DPYSL3: variants seen among roughly 807,000 people sequenced by gnomAD.
DPYSL3 encodes the protein dihydropyrimidinase like 3, also known as dihydropyrimidinase-related protein 3.
Under a neutral mutation model 66.1 loss-of-function variants are expected in DPYSL3, and 16 were observed. That is an observed-to-expected ratio of 0.24 (90% confidence interval 0.16 to 0.37). DPYSL3 has a LOEUF of 0.37. DPYSL3 is among the 10% of genes least tolerant of loss of function. The probability of loss-of-function intolerance (pLI) is 1.00; values close to 1 mark genes in which losing one functional copy is unlikely to be tolerated. For missense variants in DPYSL3, 738 were observed against 916.2 expected (o/e 0.81, Z 2.51); for synonymous variants, 338 against 345.1 (o/e 0.98, Z 0.23).
chr5:147,394,403 G>C (rs1055290537), intron 13 of DPYSL3, among the ~76,000 whole-genome samples: 2 of 152,148 alleles, frequency 1.3e-5, no homozygotes, highest in East Asian at 3.9e-4. Context: ...TGACAAAGAC[G>C]TGACACTCAT....
chr5:147,463,197 G>A (rs1402630813), intron 1 of DPYSL3, among the ~76,000 whole-genome samples: 3 of 152,204 alleles, frequency 2.0e-5, no homozygotes, highest in Non-Finnish European at 4.4e-5. Flanking sequence ...CCAGCTGATA[G>A]AGAAGAAAAA....
chr5:147,507,201 C>T (rs1753694771), intron 1 of DPYSL3, among the ~76,000 whole-genome samples: 1 of 152,034 alleles, frequency 6.6e-6, no homozygotes, highest in African/African-American at 2.4e-5. Flanking sequence ...ATCACCCAGC[C>T]TTTTCTGACA....
chr5:147,404,705 A>C (rs902628017), intron 8 of DPYSL3, among the ~76,000 whole-genome samples: 1 of 152,242 alleles, frequency 6.6e-6, no homozygotes, highest in Non-Finnish European at 1.5e-5. Context: ...AGCTAAGCAC[A>C]AGGCAAGCAA....
chr5:147,441,686 G>A (rs1413600147), intron 1 of DPYSL3, among the ~76,000 whole-genome samples: 3 of 152,078 alleles, frequency 2.0e-5, no homozygotes, highest in Admixed American at 6.5e-5. Context: ...CTATTTTACC[G>A]TATGACCTTG....
At chr5:147,428,249 G>A (rs2126338708) in intron 1 of DPYSL3, among the ~76,000 whole-genome samples, 1 of 152,284 alleles carries the variant, frequency 6.6e-6, no homozygotes, top group African/African-American at 2.4e-5. Context: ...TTCTCCATGG[G>A]CTACAAATAT....
chr5:147,495,533 A>C (rs1323415936), intron 1 of DPYSL3, among the ~76,000 whole-genome samples: 1 of 152,228 alleles, frequency 6.6e-6, no homozygotes, highest in African/African-American at 2.4e-5. Context: ...TCAAGCTGAT[A>C]AGCAACTTCA....
In DPYSL3 at chr5:147,393,693, C is replaced by T. The variant is rs180940372; in HGVS notation, c.*342G>A. On this transcript the variant is annotated 3_prime_UTR_variant, in exon 14 of 14. Transcript: ENST00000343218. ...GCGTCCCTTTTGTTCATTTCCCTGA[C>T]GTCCCAGCTTGTCTGTCCCCTTGTC... is the stretch of plus-strand genomic sequence containing the variant. 15 of 218,626 alleles carry T rather than the reference C, an allele frequency of 6.9e-5. No homozygotes were observed. Among genetic ancestry groups the T allele is most frequent in the Non-Finnish European group, 1.0e-4 (11 of 107,790 alleles). The allele number at this position is 218,626 out of a possible 1,614,324, so 13.5% of individuals were successfully genotyped here.
intron 1 of DPYSL3, among the ~76,000 whole-genome samples, chr5:147,478,767 G>A (rs1753197261): frequency 6.6e-6 from 1 of 152,090 alleles, no homozygotes; most frequent in Non-Finnish European, 1.5e-5. Flanking sequence ...ATCCCTCAAG[G>A]TTGGTTCTCT....
intron 6 of DPYSL3, among the ~76,000 whole-genome samples, chr5:147,410,604 C>T (rs1751833234): frequency 1.3e-5 from 2 of 152,158 alleles, no homozygotes; most frequent in South Asian, 4.1e-4. Flanking sequence ...CCGTCCAAGG[C>T]TTGGCGTATA....
chr5:147,395,517 C>A, intron 13 of DPYSL3, 42 bp downstream of exon 13: 1 of 1,573,150 alleles, frequency 6.4e-7, no homozygotes, highest in Non-Finnish European at 8.6e-7. Context: ...TGATCTTCCC[C>A]TTCCCCCTTC....
intron 1 of DPYSL3, among the ~76,000 whole-genome samples, chr5:147,451,650 T>C (rs1420753898): frequency 6.6e-6 from 1 of 152,162 alleles, no homozygotes; most frequent in African/African-American, 2.4e-5. Flanking sequence ...AAATATCGGT[T>C]CTCTGCCTAT....
intron 8 of DPYSL3, among the ~76,000 whole-genome samples, chr5:147,402,210 C>T (rs542804180): frequency 6.2e-4 from 94 of 152,320 alleles, no homozygotes; most frequent in African/African-American, 2.2e-3. Flanking sequence ...ACCTGTTATG[C>T]CTTCCCACAG....
At chr5:147,395,991 C>CA (rs1757959734) in intron 12 of DPYSL3, among the ~76,000 whole-genome samples, 1 of 151,902 alleles carries the variant, frequency 6.6e-6, no homozygotes, top group African/African-American at 2.4e-5. Flanking sequence ...TTGGGGTTGC[C>CA]AGAGGGAGGA....
At chr5:147,503,280 T>C (rs1314314363) in intron 1 of DPYSL3, among the ~76,000 whole-genome samples, 2 of 152,186 alleles carry the variant, frequency 1.3e-5, no homozygotes, top group Non-Finnish European at 2.9e-5. Context: ...TTTTTTAGTT[T>C]AGATTTTTTA....
intron 8 of DPYSL3, chr5:147,401,901 G>C: frequency 2.1e-6 from 1 of 481,480 alleles, no homozygotes; most frequent in Non-Finnish European, 3.4e-6. Context: ...TAGATTAAAA[G>C]AAGCCATTGG....
chr5:147,397,017 A>G (rs1337355663), intron 12 of DPYSL3, among the ~76,000 whole-genome samples: 2 of 117,946 alleles, frequency 1.7e-5, no homozygotes, highest in Non-Finnish European at 3.4e-5. Context: ...CAATATAAAT[A>G]TATAAATGTT....
In DPYSL3 at chr5:147,424,886, A is replaced by G; in HGVS notation, c.459T>C (p.Asp153=). The G allele has an allele frequency of 6.2e-7, 1 of 1,610,628 alleles. No homozygotes were observed. The highest frequency in any genetic ancestry group is 2.2e-5 in the East Asian group (1 of 44,792). The part of the protein sequence containing the change: ...QSFYADIYME[D]GLIKQIGDNL... ...TTCCATATACATACTTTATTAAGCC[A>G]TCTTCCATGTAAATATCAGCATAAA... Residue 153 remains aspartate (D), a synonymous_variant, in exon 2 of 14, where the codon GAT becomes GAC. Transcript: ENST00000343218.
intron 1 of DPYSL3, among the ~76,000 whole-genome samples, chr5:147,474,951 A>G (rs1428594615): frequency 6.6e-6 from 1 of 152,016 alleles, no homozygotes; most frequent in Non-Finnish European, 1.5e-5. Context: ...AGGTTTTCTT[A>G]AAGGAGAGTA....
At chr5:147,439,469 T>C (rs1370317582) in intron 1 of DPYSL3, among the ~76,000 whole-genome samples, 1 of 151,828 alleles carries the variant, frequency 6.6e-6, no homozygotes, top group Non-Finnish European at 1.5e-5. Flanking sequence ...TGACAGTCAG[T>C]GGCAGGACTG....
Sources: gnomAD v4.1 joint callset for allele counts (sites outside exome capture counted in the v4.1 genomes callset) on GRCh38, gnomAD v4.1.1 for gene constraint, MANE v1.5 for transcripts, NCBI Gene and HGNC (gene_info 2026-07-23, HGNC 2026-07-21) for gene names.